Variants in NAGLU observed in about 807,000 individuals in gnomAD.
NAGLU encodes the protein alpha-N-acetylglucosaminidase.
Under a neutral mutation model 43.4 loss-of-function variants are expected in NAGLU, and 34 were observed. The ratio of observed to expected loss-of-function variants is 0.78; its 90% CI spans 0.60 to 1.04. The LOEUF (loss-of-function observed/expected upper bound fraction) is 1.04, where lower values mean the gene tolerates loss of function less well. Ranked by LOEUF, NAGLU falls within the 50% of genes least tolerant of loss-of-function variation. The probability of loss-of-function intolerance (pLI) is 0.00; values close to 1 mark genes in which losing one functional copy is unlikely to be tolerated. For synonymous variants in NAGLU, 425 were observed against 437.6 expected (o/e 0.97, Z 0.36); for missense variants, 910 against 993.7 (o/e 0.92, Z 1.13).
intron 5 of NAGLU, 59 bp from the exon 6 acceptor site, chr17:42,542,969 T>A: frequency 6.3e-7 from 1 of 1,595,742 alleles, no homozygotes. Flanking sequence ...GGGTGAACAT[T>A]CCCTGGGCCC....
rs2092931658 is a variant in NAGLU at position 42,544,398 on chromosome 17, T to A, written c.*160T>A. 8 of 1,035,022 alleles carry A rather than the reference T, an allele frequency of 7.7e-6. No homozygotes were observed. Among genetic ancestry groups the A allele is most frequent in the South Asian group, 1.4e-5 (1 of 71,152 alleles). 64.1% of individuals were successfully genotyped at this position (1,035,022 alleles called of 1,614,324 possible). ...GGGATTGGAGGGAAATGACCTGCCC[T>A]CCACCACCACCCAAAGTGTGGGATT... On this transcript the variant is annotated 3_prime_UTR_variant, in exon 6 of 6. Coordinates refer to ENST00000225927, the MANE Select transcript of NAGLU (RefSeq NM_000263.4).
rs775300265 is a variant in NAGLU, at chr17:42,543,772, C to T, written c.1766C>T (p.Ala589Val). Residue 589 changes from alanine (A) to valine (V), a missense_variant, in exon 6 of 6, where the codon GCC becomes GTC. Transcript: ENST00000225927. Reference protein sequence around the residue: ...ARSAYLSKELASLLRAGGVLA... With the variant: ...ARSAYLSKELVSLLRAGGVLA... ...AGCGCCTACCTGAGCAAGGAGCTGG[C>T]CTCCCTGTTGAGGGCTGGAGGCGTC... 2.5e-6 allele frequency: 4 copies of T among 1,610,616 alleles called. 1 individual carries two copies. In the South Asian group the frequency reaches 3.3e-5, roughly 13 times the overall value.
chr17:42,541,121 C>G lies in NAGLU; in HGVS notation c.936C>G (p.Asp312Glu), dbSNP rs1258320823. The part of the protein sequence containing the change: ...EFGTDHIYGA[D>E]TFNEMQPPSS... ...GCACAGACCACATCTATGGGGCCGA[C>G]ACTTTCAATGAGATGCAGCCACCTT... The change falls in exon 5 of 6, where the codon GAC becomes GAG. Residue 312 changes from aspartate to glutamate, a missense_variant. By Grantham distance (45) the Asp-to-Glu change is conservative. Coordinates refer to ENST00000225927, the MANE Select transcript of NAGLU (RefSeq NM_000263.4). 1.9e-6 allele frequency: 3 copies of G among 1,614,128 alleles called. No individual in the cohort carries two copies. In the South Asian group the frequency reaches 3.3e-5, roughly 18 times the overall value.
rs368183484 is a variant in NAGLU, at chr17:42,543,502, G to A, written c.1496G>A (p.Arg499Gln). The change falls in exon 6 of 6, where the codon CGG becomes CAG. Residue 499 changes from arginine to glutamine, a missense_variant. Transcript: ENST00000225927. ...GGGGCAGCGTGGAGGCTACTGCTCCGGAGTGTGTACAACTGCTCCGGGGAG... is the reference window on the plus strand; with the variant it reads ...GGGGCAGCGTGGAGGCTACTGCTCCAGAGTGTGTACAACTGCTCCGGGGAG... ...DAGAAWRLLL[R>Q]SVYNCSGEAC... The A allele has an allele frequency of 7.5e-6, 12 of 1,603,710 alleles. No individual in the cohort carries two copies. The highest frequency in any genetic ancestry group is 1.6e-4 in the Middle Eastern group (1 of 6,072).
At chr17:42,537,872 A>C (rs7220481) in intron 2 of NAGLU, among the ~76,000 whole-genome samples, 2,117 of 151,870 alleles carry the variant, frequency 0.014, 58 homozygotes, top group African/African-American at 0.049. Flanking sequence ...AAAAAAAAAA[A>C]AAAAAAAACT....
Position 42,536,615 on chromosome 17 carries a change from C to G in NAGLU, c.343C>G (p.Pro115Ala). The change falls in exon 1 of 6, where the codon CCA (proline) becomes GCA (alanine). Residue 115 changes from proline (P) to alanine (A), a missense_variant. Physicochemically the swap from Pro to Ala is conservative, Grantham distance 27. Transcript: ENST00000225927. ...TCAGCTGCGCCTGCCGCGGCCACTG[C>G]CAGCCGTGCCGGGGGAGCTGACCGA... ...GSQLRLPRPL[P>A]AVPGELTEAT... The G allele has an allele frequency of 6.7e-7, 1 of 1,494,420 alleles. No homozygotes were observed. The highest frequency in any genetic ancestry group is 8.8e-7 in the Non-Finnish European group (1 of 1,130,184). The allele number at this position is 1,494,420 out of a possible 1,614,324, so 92.6% of individuals were successfully genotyped here.
At chr17:42,536,835 T>G in intron 1 of NAGLU, 180 bp downstream of exon 1, 1 of 1,231,748 alleles carries the variant, frequency 8.1e-7, no homozygotes. Flanking sequence ...CTGGCCCACC[T>G]GAAAAACGGA....
rs555145190 is a variant in NAGLU at position 42,543,921 on chromosome 17, G to T, written c.1915G>T (p.Glu639Ter). The change falls in exon 6 of 6, where the codon GAG (glutamate) becomes TAG (stop). Residue 639 changes from glutamate (E) to a stop codon, truncating the protein, a stop_gained. Coordinates refer to ENST00000225927, the MANE Select transcript of NAGLU (RefSeq NM_000263.4). LOFTEE classifies it low-confidence loss of function (END_TRUNC). Reference sequence around the variant, plus strand: ...CAGTGAGGCCGAGGCCGATTTCTACGAGCAGAACAGCCGCTACCAGCTGAC... The same window carrying T: ...CAGTGAGGCCGAGGCCGATTTCTACTAGCAGAACAGCCGCTACCAGCTGAC... ...AVSEAEADFY[E>*]QNSRYQLTLW... is the part of the protein sequence containing the mutation. 2.5e-6 allele frequency: 4 copies of T among 1,606,958 alleles called. No homozygotes were observed. The highest frequency in any genetic ancestry group is 3.4e-6 in the Non-Finnish European group (4 of 1,177,048).
Position 42,536,515 on chromosome 17 carries a change from G to A in NAGLU, c.243G>A (p.Thr81=). The A allele has an allele frequency of 7.9e-7, 1 of 1,273,450 alleles. No homozygotes were observed. The highest frequency in any genetic ancestry group is 2.8e-5 in the South Asian group (1 of 36,048). 78.9% of individuals were successfully genotyped at this position (1,273,450 alleles called of 1,614,324 possible). Residue 81 remains threonine (T), a synonymous_variant, in exon 1 of 6, where the codon ACG becomes ACA. Transcript: ENST00000225927. ...GAARVRVRGS[T]GVAAAAGLHR... is the part of the protein sequence containing the mutation. ...CGCGCGTGCGGGTGCGCGGCTCCAC[G>A]GGCGTGGCGGCCGCCGCGGGGCTGC...
Position 42,543,809 on chromosome 17 carries a change from G to T in NAGLU, c.1803G>T (p.Glu601Asp), listed in dbSNP as rs763854864. 5 of 1,605,962 alleles carry T rather than the reference G, an allele frequency of 3.1e-6. No individual in the cohort carries two copies. Among genetic ancestry groups the T allele is most frequent in the Non-Finnish European group, 3.4e-6 (4 of 1,176,890 alleles). The change falls in exon 6 of 6, where the codon GAG (glutamate) becomes GAT (aspartate). Residue 601 changes from glutamate to aspartate, a missense_variant. Glu to Asp is a conservative substitution (Grantham distance 45, BLOSUM62 2). Transcript: ENST00000225927. ...LLRAGGVLAY[E>D]LLPALDEVLA... Reference sequence around the variant, plus strand: ...GGGCTGGAGGCGTCCTGGCCTATGAGCTGCTGCCGGCACTGGACGAGGTGC... The same window carrying T: ...GGGCTGGAGGCGTCCTGGCCTATGATCTGCTGCCGGCACTGGACGAGGTGC...
intron 4 of NAGLU, among the ~76,000 whole-genome samples, chr17:42,540,695 C>CA (rs369880072): frequency 0.026 from 1,505 of 58,204 alleles, 27 homozygotes; most frequent in African/African-American, 0.074. Context: ...GACTCTGCCT[C>CA]AAAAAAAAAA....
chr17:42,541,279 G>T, intron 5 of NAGLU, 73 bp downstream of exon 5: 1 of 1,588,060 alleles, frequency 6.3e-7, no homozygotes, highest in Non-Finnish European at 8.6e-7. Flanking sequence ...GTCAGTAGGG[G>T]TAGGCAGAGG....
intron 4 of NAGLU, among the ~76,000 whole-genome samples, chr17:42,539,836 C>T (rs534228447): frequency 1.3e-5 from 2 of 152,160 alleles, no homozygotes; most frequent in Admixed American, 6.5e-5. Flanking sequence ...GTTGCTTGGA[C>T]GGACGCTTGG....
rs780663661 is a variant in NAGLU at position 42,541,033 on chromosome 17, C to CG, written c.850dup (p.Glu284GlyfsTer33). On this transcript the variant is annotated frameshift_variant, in exon 5 of 6. Transcript: ENST00000225927. LOFTEE classifies it high-confidence loss of function. ...TACTCCTGCTCCTTCCTTCTGGCTC[C>CG]GGAAGACCCCATATTCCCCATCATC... 1 of 1,614,084 alleles carries CG rather than the reference C, an allele frequency of 6.2e-7. No individual in the cohort carries two copies.
intron 5 of NAGLU, among the ~76,000 whole-genome samples, chr17:42,542,404 G>T (rs1391758323): frequency 6.6e-6 from 1 of 152,100 alleles, no homozygotes; most frequent in East Asian, 1.9e-4. Context: ...CACCATGGTG[G>T]CCAGACTGGT....
chr17:42,537,311 C>G (rs1422288341), intron 1 of NAGLU, 87 bp from the exon 2 acceptor site: 1 of 1,594,506 alleles, frequency 6.3e-7, no homozygotes, highest in Non-Finnish European at 8.6e-7. Context: ...CCCCTCCCCT[C>G]TCCTCTAGGT....
intron 5 of NAGLU, among the ~76,000 whole-genome samples, chr17:42,541,450 T>G (rs1226297047): frequency 1.3e-5 from 2 of 152,198 alleles, no homozygotes; most frequent in African/African-American, 4.8e-5. Context: ...CCGTGTGACT[T>G]ATGACTCATG....
In NAGLU at chr17:42,536,542, C is replaced by T. The variant is rs1360267129; in HGVS notation, c.270C>T (p.His90=). Residue 90 remains histidine, a synonymous_variant, in exon 1 of 6, where the codon CAC becomes CAT. Coordinates refer to ENST00000225927, the MANE Select transcript of NAGLU (RefSeq NM_000263.4). The part of the protein sequence containing the change: ...STGVAAAAGL[H]RYLRDFCGCH... ...GCGTGGCGGCCGCCGCGGGGCTGCA[C>T]CGCTACCTGCGCGACTTCTGTGGCT... 1.8e-5 allele frequency: 27 copies of T among 1,462,748 alleles called. No individual in the cohort carries two copies. The highest frequency in any genetic ancestry group is 2.4e-5 in the Non-Finnish European group (27 of 1,113,114). The allele number at this position is 1,462,748 out of a possible 1,614,324, so 90.6% of individuals were successfully genotyped here. A position where few individuals can be genotyped will look rare whatever the true frequency, so the allele number is the denominator to read the frequency against.
At position 42,544,408 on chromosome 17, in the gene NAGLU, C is replaced by T; in HGVS notation, c.*170C>T. 1.0e-6 allele frequency: 1 copy of T among 957,186 alleles called. No homozygotes were observed. The highest frequency in any genetic ancestry group is 1.6e-6 in the Non-Finnish European group (1 of 637,250). 59.3% of individuals were successfully genotyped at this position (957,186 alleles called of 1,614,324 possible). ...GGAAATGACCTGCCCTCCACCACCA[C>T]CCAAAGTGTGGGATTAAAGTACTGT... is the stretch of plus-strand genomic sequence containing the variant. On this transcript the variant is annotated 3_prime_UTR_variant, in exon 6 of 6. Coordinates refer to ENST00000225927, the MANE Select transcript of NAGLU (RefSeq NM_000263.4).
Sources: gnomAD v4.1 joint callset for allele counts (sites outside exome capture counted in the v4.1 genomes callset) on GRCh38, gnomAD v4.1.1 for gene constraint, MANE v1.5 for transcripts, NCBI Gene and HGNC (gene_info 2026-07-23, HGNC 2026-07-21) for gene names.